Variants in HNRNPF observed in about 807,000 individuals in gnomAD.
HNRNPF encodes the protein HnRNP F protein.
Under a neutral mutation model 26.0 loss-of-function variants are expected in HNRNPF, and 2 were observed. That is an observed-to-expected ratio of 0.08 (90% CI 0.03 to 0.24). The LOEUF is 0.24. Ranked by LOEUF, HNRNPF falls within the 10% of genes least tolerant of loss-of-function variation. The pLI is 1.00. For missense variants in HNRNPF, 299 were observed against 539.2 expected, an observed-to-expected ratio of 0.55 and a Z score of 4.41; for synonymous variants, 234 against 211.5, an observed-to-expected ratio of 1.11 and a Z score of -0.92.
chr10:43,385,652 CA>C lies in HNRNPF; in HGVS notation c.*984del, dbSNP rs1837994972. 6.6e-6 allele frequency: 1 copy of C among 151,952 alleles called. No individual in the cohort carries two copies. Among genetic ancestry groups the C allele is most frequent in the Non-Finnish European group, 1.5e-5 (1 of 67,968 alleles). The allele number at this position is 151,952 out of a possible 1,614,324, so 9.4% of individuals were successfully genotyped here. On this transcript the variant is annotated 3_prime_UTR_variant, in exon 4 of 4. Coordinates refer to ENST00000682386, the MANE Select transcript of HNRNPF (RefSeq NM_001098204.2). ...ATCAGCATTTTATAAAAACTAGAAA[CA>C]AAATAATTGCTTTCACAATGTAGTA... is the stretch of plus-strand genomic sequence containing the variant.
chr10:43,399,791 A>G (rs939309570), intron 1 of HNRNPF, among the ~76,000 whole-genome samples: 2 of 152,212 alleles, frequency 1.3e-5, no homozygotes, highest in Non-Finnish European at 2.9e-5. Context: ...CCTAAAAGAT[A>G]CAGGAACTGT....
intron 1 of HNRNPF, chr10:43,397,483 CCA>C (rs149248895): frequency 6.7e-6 from 1 of 148,738 alleles, no homozygotes; most frequent in East Asian, 1.9e-4. Flanking sequence ...TGGGGAAAGT[CCA>C]GAGTGCCAGC....
intron 1 of HNRNPF, chr10:43,397,147 TGGAGTGGC>T (rs900742038): frequency 1.3e-5 from 2 of 150,828 alleles, no homozygotes; most frequent in East Asian, 2.0e-4. Context: ...CGGCCGGGAC[TGGAGTGGC>T]GGGGCCGGGG....
At chr10:43,397,022 G>A (rs1564396973) in intron 1 of HNRNPF, among the ~76,000 whole-genome samples, 1 of 151,800 alleles carries the variant, frequency 6.6e-6, no homozygotes, top group African/African-American at 2.4e-5. Context: ...CTGCCTAGGC[G>A]GGAGCTCGGG....
intron 1 of HNRNPF, among the ~76,000 whole-genome samples, chr10:43,402,312 G>A (rs961783796): frequency 1.3e-5 from 2 of 152,144 alleles, no homozygotes; most frequent in African/African-American, 2.4e-5. Context: ...ACCAACACAC[G>A]CCTGTGCTGT....
chr10:43,405,868 C>T (rs12247168), intron 1 of HNRNPF, among the ~76,000 whole-genome samples: 44 of 152,142 alleles, frequency 2.9e-4, no homozygotes, highest in African/African-American at 9.6e-4. Context: ...CTCCCTCTGC[C>T]CACCCTGTTG....
chr10:43,396,924 C>T (rs1448531748), intron 1 of HNRNPF: 1 of 144,374 alleles, frequency 6.9e-6, no homozygotes, highest in African/African-American at 2.6e-5. Flanking sequence ...GGGAGGGGGC[C>T]CCTGGCGGGC....
intron 1 of HNRNPF, chr10:43,407,750 C>T (rs917187465): frequency 2.6e-5 from 4 of 152,268 alleles, no homozygotes. Flanking sequence ...AGGGACCGCG[C>T]TCCGAGGACA....
At chr10:43,399,462 C>T (rs1045178081) in intron 1 of HNRNPF, among the ~76,000 whole-genome samples, 1 of 152,094 alleles carries the variant, frequency 6.6e-6, no homozygotes, top group Admixed American at 6.5e-5. Context: ...AGACTTGAGC[C>T]AGGGGTTGTA....
At chr10:43,406,179 G>C (rs1446603358) in intron 1 of HNRNPF, among the ~76,000 whole-genome samples, 1 of 152,118 alleles carries the variant, frequency 6.6e-6, no homozygotes, top group African/African-American at 2.4e-5. Flanking sequence ...GTGGGGGAGA[G>C]GGAATTAGAG....
chr10:43,392,454 G>A (rs1260383092), intron 3 of HNRNPF, among the ~76,000 whole-genome samples: 1 of 152,160 alleles, frequency 6.6e-6, no homozygotes, highest in African/African-American at 2.4e-5. Flanking sequence ...CAGGAGAATC[G>A]CTTGGACCTG....
intron 1 of HNRNPF, chr10:43,407,852 A>G (rs1455009213): frequency 6.6e-6 from 1 of 152,172 alleles, no homozygotes; most frequent in Non-Finnish European, 1.5e-5. Context: ...AACTCCCCAC[A>G]AGGAAGTCTT....
At chr10:43,388,520 C>A (rs1838119769) in intron 3 of HNRNPF, among the ~76,000 whole-genome samples, 1 of 152,174 alleles carries the variant, frequency 6.6e-6, no homozygotes, top group Non-Finnish European at 1.5e-5. Flanking sequence ...ATTGTCAATT[C>A]AAACTAAATA....
intron 1 of HNRNPF, among the ~76,000 whole-genome samples, chr10:43,403,004 G>A (rs893869669): frequency 6.6e-6 from 1 of 151,900 alleles, no homozygotes; most frequent in African/African-American, 2.4e-5. Flanking sequence ...ATCATACCTG[G>A]CTAATTAAAA....
At chr10:43,388,018 T>A (rs143393044) in intron 3 of HNRNPF, 82 bp from the exon 4 acceptor site, 55 of 682,446 alleles carry the variant, frequency 8.1e-5, no homozygotes, top group African/African-American at 7.3e-4. Flanking sequence ...TAGCAAGACA[T>A]TAAGAAATAT....
chr10:43,401,634 C>A (rs189025412), intron 1 of HNRNPF, among the ~76,000 whole-genome samples: 57 of 152,266 alleles, frequency 3.7e-4, no homozygotes, highest in South Asian at 2.1e-3. Context: ...TGTATAGATT[C>A]CGCTAAACAA....
At chr10:43,404,937 C>A (rs533987030) in intron 1 of HNRNPF, among the ~76,000 whole-genome samples, 2 of 152,082 alleles carry the variant, frequency 1.3e-5, no homozygotes, top group African/African-American at 4.8e-5. Context: ...CAGAAAAATG[C>A]GAAGTGTGGG....
intron 3 of HNRNPF, among the ~76,000 whole-genome samples, chr10:43,392,214 G>C (rs926253402): frequency 3.3e-5 from 5 of 152,142 alleles, no homozygotes; most frequent in African/African-American, 1.2e-4. Flanking sequence ...GACCAGCCTA[G>C]CCAACATAGT....
At chr10:43,399,670 G>A (rs1356736948) in intron 1 of HNRNPF, among the ~76,000 whole-genome samples, 1 of 152,166 alleles carries the variant, frequency 6.6e-6, no homozygotes, top group African/African-American at 2.4e-5. Context: ...AGATGGGAAG[G>A]AATGAAACAA....
Sources: allele counts gnomAD v4.1 joint callset (sites outside exome capture counted in the v4.1 genomes callset), GRCh38; gene constraint gnomAD v4.1.1; transcripts MANE v1.5; gene names NCBI Gene and HGNC (gene_info 2026-07-23, HGNC 2026-07-21).